ADAMTSL3: variants seen among roughly 807,000 people sequenced by gnomAD.
ADAMTSL3 encodes ADAMTS-like protein 3.
In ADAMTSL3, 128 loss-of-function variants were observed where a neutral mutation model predicts 201.7. That is an observed-to-expected ratio of 0.63 (90% confidence interval 0.55 to 0.73). The LOEUF (loss-of-function observed/expected upper bound fraction) is 0.73, where lower values mean the gene tolerates loss of function less well. Ranked by LOEUF, ADAMTSL3 falls within the 30% of genes least tolerant of loss-of-function variation. ADAMTSL3 has a pLI of 0.00. For missense variants in ADAMTSL3, 1,990 were observed against 2,119.6 expected, an observed-to-expected ratio of 0.94 and a Z score of 1.20; for synonymous variants, 738 against 748.4, an observed-to-expected ratio of 0.99 and a Z score of 0.23.
At chr15:84,009,195 C>T (rs1021682079) in intron 23 of ADAMTSL3, among the ~76,000 whole-genome samples, 5 of 152,262 alleles carry the variant, frequency 3.3e-5, no homozygotes, top group Admixed American at 6.5e-5. Context: ...CAAAGCCTTA[C>T]GATGACCTAT....
At chr15:83,664,401 C>T (rs919366683) in intron 2 of ADAMTSL3, among the ~76,000 whole-genome samples, 1 of 152,046 alleles carries the variant, frequency 6.6e-6, no homozygotes, top group Non-Finnish European at 1.5e-5. Context: ...CAGAATGTTC[C>T]TTGGTGGTGT....
chr15:83,788,963 C>T (rs1381158630), intron 4 of ADAMTSL3, among the ~76,000 whole-genome samples: 5 of 152,090 alleles, frequency 3.3e-5, no homozygotes, highest in Non-Finnish European at 7.3e-5. Context: ...GCACGTGCCA[C>T]CATGCCTGGC....
At chr15:83,701,539 GCTGTGGGAGAGACC>G (rs2061777223) in intron 2 of ADAMTSL3, among the ~76,000 whole-genome samples, 1 of 152,188 alleles carries the variant, frequency 6.6e-6, no homozygotes, top group Non-Finnish European at 1.5e-5. Flanking sequence ...ATTCCCACAT[GCTGTGGGAGAGACC>G]CGGTGGGAGA....
At chr15:83,666,138 T>G (rs2061245444) in intron 2 of ADAMTSL3, among the ~76,000 whole-genome samples, 2 of 152,322 alleles carry the variant, frequency 1.3e-5, no homozygotes, top group South Asian at 2.1e-4. Context: ...TTTTAAACAG[T>G]GACTATACTC....
intron 15 of ADAMTSL3, among the ~76,000 whole-genome samples, chr15:83,904,556 C>T (rs2065798205): frequency 1.3e-5 from 2 of 152,120 alleles, no homozygotes; most frequent in Admixed American, 6.5e-5. Flanking sequence ...AGCGGATGTT[C>T]AAAAGGCTTT....
intron 15 of ADAMTSL3, among the ~76,000 whole-genome samples, chr15:83,901,206 A>T (rs1196350344): frequency 6.6e-6 from 1 of 152,170 alleles, no homozygotes; most frequent in Non-Finnish European, 1.5e-5. Context: ...GTATTTGAGT[A>T]AAAAGAGAAG....
intron 20 of ADAMTSL3, among the ~76,000 whole-genome samples, chr15:83,976,285 T>G (rs1169877357): frequency 6.6e-6 from 1 of 152,054 alleles, no homozygotes; most frequent in Non-Finnish European, 1.5e-5. Flanking sequence ...TTGCTAGCAG[T>G]CTCATTGACT....
At chr15:83,684,121 G>T (rs2585049) in intron 2 of ADAMTSL3, among the ~76,000 whole-genome samples, 129,063 of 152,212 alleles carry the variant, frequency 0.85, 55,141 homozygotes, top group East Asian at 0.96. Flanking sequence ...AATTTATCTT[G>T]TCAGCATCCT....
intron 3 of ADAMTSL3, among the ~76,000 whole-genome samples, chr15:83,750,276 T>C (rs2062618036): frequency 6.6e-6 from 1 of 152,240 alleles, no homozygotes; most frequent in South Asian, 2.1e-4. Flanking sequence ...TGCACAGGGA[T>C]GGATTGTCTT....
chr15:83,860,602 C>T (rs1376537401), intron 8 of ADAMTSL3, among the ~76,000 whole-genome samples: 1 of 152,016 alleles, frequency 6.6e-6, no homozygotes, highest in Admixed American at 6.6e-5. Flanking sequence ...GGCCATTCCC[C>T]AAAATTCAGC....
intron 25 of ADAMTSL3, among the ~76,000 whole-genome samples, chr15:84,018,433 T>G (rs1465290455): frequency 6.6e-6 from 1 of 152,178 alleles, no homozygotes; most frequent in Non-Finnish European, 1.5e-5. Flanking sequence ...AAGAAACCAG[T>G]AAACAAATAA....
At chr15:83,704,046 T>C (rs2061813479) in intron 2 of ADAMTSL3, among the ~76,000 whole-genome samples, 1 of 148,122 alleles carries the variant, frequency 6.8e-6, no homozygotes, top group African/African-American at 2.5e-5. Context: ...AAGAAAATCC[T>C]AAAAACAATA....
At chr15:83,698,756 A>G (rs17158683) in intron 2 of ADAMTSL3, among the ~76,000 whole-genome samples, 15,173 of 152,022 alleles carry the variant, frequency 0.1, 915 homozygotes, top group Admixed American at 0.19. Context: ...GGAAGGCCCA[A>G]TTTTTCTAAG....
intron 3 of ADAMTSL3, among the ~76,000 whole-genome samples, chr15:83,760,968 T>C (rs1186252149): frequency 6.6e-6 from 1 of 152,188 alleles, no homozygotes; most frequent in Non-Finnish European, 1.5e-5. Flanking sequence ...GTAATTGATA[T>C]ATGTGCATTT....
chr15:83,964,840 C>T (rs909945163), intron 19 of ADAMTSL3, among the ~76,000 whole-genome samples: 5 of 152,198 alleles, frequency 3.3e-5, no homozygotes, highest in African/African-American at 1.2e-4. Context: ...AGAAACCCTA[C>T]AAGCCAGAAT....
intron 19 of ADAMTSL3, among the ~76,000 whole-genome samples, chr15:83,948,057 A>G (rs2066688122): frequency 6.6e-6 from 1 of 152,172 alleles, no homozygotes; most frequent in African/African-American, 2.4e-5. Context: ...CTATTAATAT[A>G]TCTAATATGC....
At chr15:83,905,559 G>A (rs2065815439) in intron 15 of ADAMTSL3, among the ~76,000 whole-genome samples, 1 of 152,208 alleles carries the variant, frequency 6.6e-6, no homozygotes, top group East Asian at 1.9e-4. Context: ...TCACTAAGGA[G>A]CTTGGACTTT....
At chr15:84,031,516 T>G in intron 28 of ADAMTSL3, 84 bp downstream of exon 28, 1 of 1,224,878 alleles carries the variant, frequency 8.2e-7, no homozygotes, top group Admixed American at 1.8e-5. Flanking sequence ...ATGGAATCCT[T>G]TCTAGTTTCT....
chr15:83,972,365 C>T (rs1037647848), intron 20 of ADAMTSL3, among the ~76,000 whole-genome samples: 2 of 152,174 alleles, frequency 1.3e-5, no homozygotes, highest in Non-Finnish European at 2.9e-5. Flanking sequence ...GTGTCTGTAG[C>T]ATATGGCGTA....
Sources: gnomAD v4.1 joint callset for allele counts (sites outside exome capture counted in the v4.1 genomes callset) on GRCh38, gnomAD v4.1.1 for gene constraint, MANE v1.5 for transcripts, NCBI Gene and HGNC (gene_info 2026-07-23, HGNC 2026-07-21) for gene names.